The following GHRL variants were observed in gnomAD, a reference collection of about 807,000 sequenced individuals.
The protein encoded by GHRL is appetite-regulating hormone.
In GHRL, 24 loss-of-function variants were observed where a neutral mutation model predicts 16.9. The observed-to-expected ratio is 1.42, with a 90% CI of 1.03 to 2.00. The LOEUF is 2.00. Among genes scored for constraint, GHRL ranks in the 30% most tolerant of loss-of-function variants. GHRL has a pLI of 0.00. For missense variants in GHRL, 193 were observed against 142.1 expected (o/e 1.36, Z -1.82); for synonymous variants, 63 against 58.2 (o/e 1.08, Z -0.37).
In GHRL at chr3:10,285,731, C is replaced by T; in HGVS notation, c.*144G>A. On this transcript the variant is annotated 3_prime_UTR_variant, in exon 6 of 6. Transcript: ENST00000335542. ...TAACTTTTCCTCTTTGAAATAAATT[C>T]CCATTTGGAACATCAGCATACAGTT... 5.0e-6 allele frequency: 3 copies of T among 600,970 alleles called. No homozygotes were observed. Among genetic ancestry groups the T allele is most frequent in the South Asian group, 2.4e-5 (1 of 41,590 alleles). 37.2% of individuals were successfully genotyped at this position (600,970 alleles called of 1,614,324 possible). A position where few individuals can be genotyped will look rare whatever the true frequency, so the allele number is the denominator to read the frequency against.
intron 3 of GHRL, 71 bp from the exon 4 acceptor site, chr3:10,289,949 C>T (rs1699715132): frequency 2.0e-6 from 3 of 1,492,594 alleles, no homozygotes; most frequent in African/African-American, 1.4e-5. Context: ...AGGTCAGACC[C>T]AGAGTCCTTT....
intron 4 of GHRL, among the ~76,000 whole-genome samples, chr3:10,289,037 C>T (rs537274994): frequency 6.6e-5 from 10 of 152,228 alleles, no homozygotes; most frequent in East Asian, 3.9e-4. Context: ...TCGGGCACAG[C>T]GTCTAATAGC....
In GHRL at chr3:10,289,886, G is replaced by T; in HGVS notation, c.109-8C>A. 6.2e-7 allele frequency: 1 copy of T among 1,602,704 alleles called. No homozygotes were observed. Among genetic ancestry groups the T allele is most frequent in the Non-Finnish European group, 8.5e-7 (1 of 1,170,714 alleles). On this transcript the variant is annotated splice_polypyrimidine_tract_variant and splice_region_variant and intron_variant, in intron 3 of 5. Transcript: ENST00000335542. ...CTTCGACTCCTTTCTCTGCTGGAAG[G>T]GGGAAACAGTCTGTTTAGGACTCTA...
In GHRL at chr3:10,287,913, A is replaced by ATTTTTTTTTTTTTTTTTTT. The variant is rs1576049089; in HGVS notation, c.226-1102_226-1101insAAAAAAAAAAAAAAAAAAA. On this transcript the variant is annotated intron_variant, in intron 4 of 5. Coordinates refer to ENST00000335542, the MANE Select transcript of GHRL (RefSeq NM_016362.5). The stretch of plus-strand genomic sequence containing the variant: ...GACCCAGTGGGGAATGACATGATTG[A>ATTTTTTTTTTTTTTTTTTT]ATTTTTTTTTTTTTTTTTTTTTTTT... 3 of 87,952 alleles carry ATTTTTTTTTTTTTTTTTTT rather than the reference A, an allele frequency of 3.4e-5. 1 individual carries two copies. Among genetic ancestry groups the ATTTTTTTTTTTTTTTTTTT allele is most frequent in the Non-Finnish European group, 2.7e-5 (1 of 37,208 alleles). 5.4% of individuals were successfully genotyped at this position (87,952 alleles called of 1,614,324 possible).
intron 5 of GHRL, 117 bp from the exon 6 acceptor site, chr3:10,286,011 C>A (rs1699007783): frequency 1.1e-6 from 1 of 903,624 alleles, no homozygotes; most frequent in Non-Finnish European, 1.8e-6. Context: ...GAAGCACTGG[C>A]CTTGGAGTCA....
At position 10,285,854 on chromosome 3, in the gene GHRL, G is replaced by A; in HGVS notation, c.*21C>T. 3.7e-6 allele frequency: 6 copies of A among 1,609,842 alleles called. No homozygotes were observed. Among genetic ancestry groups the A allele is most frequent in the Non-Finnish European group, 5.1e-6 (6 of 1,176,110 alleles). ...TGAGCGCTTCTAAACTTAGAGAGAG[G>A]TGAGTAAGGCTTGTGGGCGATCACT... On this transcript the variant is annotated 3_prime_UTR_variant, in exon 6 of 6. Transcript: ENST00000335542.
At chr3:10,289,908 T>C (rs755928105) in intron 3 of GHRL, 30 bp from the exon 4 acceptor site, 1 of 1,553,596 alleles carries the variant, frequency 6.4e-7, no homozygotes, top group Non-Finnish European at 8.9e-7. Flanking sequence ...TGTTTAGGAC[T>C]CTAAGCCCCC....
intron 4 of GHRL, chr3:10,287,117 T>G: frequency 4.8e-6 from 1 of 208,584 alleles, no homozygotes; most frequent in Admixed American, 5.7e-5. Context: ...TTTTTCTCCC[T>G]TGCAGTTTTG....
rs930261410 is a variant in GHRL at position 10,286,035 on chromosome 3, A to C, written c.335-141T>G. On this transcript the variant is annotated intron_variant, in intron 5 of 5. Transcript: ENST00000335542. ...GCCTTGGAGTCAGAGGGCGGCACTC[A>C]AGTGTGGACTGTTGTGCCCTGGGCA... 5 of 736,830 alleles carry C rather than the reference A, an allele frequency of 6.8e-6. No individual in the cohort carries two copies. The African/African-American group carries it at 8.7e-5, about 13-fold the overall frequency. The allele number at this position is 736,830 out of a possible 1,614,324, so 45.6% of individuals were successfully genotyped here.
At position 10,291,087 on chromosome 3, in the gene GHRL, A is replaced by G. The variant is rs993208037; in HGVS notation, c.-401T>C. The G allele has an allele frequency of 2.4e-5, 24 of 985,500 alleles. No homozygotes were observed. Among genetic ancestry groups the G allele is most frequent in the African/African-American group, 3.5e-5 (2 of 57,216 alleles). 61.0% of individuals were successfully genotyped at this position (985,500 alleles called of 1,614,324 possible). ...TACTCGCCCTTTCTCCCTGGGTAAAATGAGGCTGTCATCACTAGGAGAGCT... is the reference window on the plus strand; with the variant it reads ...TACTCGCCCTTTCTCCCTGGGTAAAGTGAGGCTGTCATCACTAGGAGAGCT... On this transcript the variant is annotated 5_prime_UTR_variant, in exon 2 of 6. Coordinates refer to ENST00000335542, the MANE Select transcript of GHRL (RefSeq NM_016362.5).
chr3:10,291,564 C>T (rs182919329), intron 1 of GHRL, 113 bp from the exon 2 acceptor site: 44 of 650,706 alleles, frequency 6.8e-5, no homozygotes, highest in African/African-American at 7.8e-5. Flanking sequence ...TGAAATGAGG[C>T]GATGGGGGGA....
At chr3:10,287,061 A>C (rs1403712612) in intron 4 of GHRL, 2 of 344,818 alleles carry the variant, frequency 5.8e-6, no homozygotes, top group Non-Finnish European at 1.1e-5. Context: ...CTTAGCCTCT[A>C]ATGGGATTGC....
chr3:10,292,763 A>AT (rs908650032), intron 1 of GHRL, 79 bp downstream of exon 1: 26 of 839,186 alleles, frequency 3.1e-5, no homozygotes, highest in African/African-American at 2.8e-4. Flanking sequence ...CCACCAACCC[A>AT]TAAAAAAAAA....
chr3:10,288,725 T>C (rs1021120988), intron 4 of GHRL, among the ~76,000 whole-genome samples: 3 of 152,136 alleles, frequency 2.0e-5, no homozygotes, highest in Non-Finnish European at 4.4e-5. Flanking sequence ...GAGAAGAGTA[T>C]GGTAAACAGG....
At chr3:10,287,022 ACTTAC>A (rs1559471938) in intron 4 of GHRL, 2 of 498,638 alleles carry the variant, frequency 4.0e-6, no homozygotes, top group Non-Finnish European at 3.6e-6. Flanking sequence ...TCTTTCAGAC[ACTTAC>A]CTTGCACTCT....
chr3:10,285,838 C>G lies in GHRL; in HGVS notation c.*37G>C. On this transcript the variant is annotated 3_prime_UTR_variant, in exon 6 of 6. Transcript: ENST00000335542. ...CAAGCGAAAAGCCAGATGAGCGCTTCTAAACTTAGAGAGAGGTGAGTAAGG... is the reference window on the plus strand; with the variant it reads ...CAAGCGAAAAGCCAGATGAGCGCTTGTAAACTTAGAGAGAGGTGAGTAAGG... The G allele has an allele frequency of 6.3e-7, 1 of 1,598,562 alleles. No individual in the cohort carries two copies. Among genetic ancestry groups the G allele is most frequent in the South Asian group, 1.1e-5 (1 of 90,722 alleles).
chr3:10,290,302 T>A, intron 2 of GHRL, 93 bp from the exon 3 acceptor site: 1 of 1,274,464 alleles, frequency 7.8e-7, no homozygotes, highest in Non-Finnish European at 1.1e-6. Context: ...CGTGAAGGGC[T>A]TTACCATCTG....
At chr3:10,285,935 TC>T in intron 5 of GHRL, 41 bp from the exon 6 acceptor site, 1 of 1,588,210 alleles carries the variant, frequency 6.3e-7, no homozygotes, top group Non-Finnish European at 8.6e-7. Flanking sequence ...GGGTGCACCG[TC>T]CTGCTAGTGC....
In GHRL at chr3:10,290,838, A is replaced by T; in HGVS notation, c.-152T>A. On this transcript the variant is annotated 5_prime_UTR_variant, in exon 2 of 6. It removes an upstream start codon present in the reference 5' UTR. Transcript: ENST00000335542. The stretch of plus-strand genomic sequence containing the variant: ...CCTAGCTTCCGTGGGGCTGATGTAC[A>T]TTCCTTGGGAACTAAAAATGTTCTT... The T allele has an allele frequency of 2.0e-6, 2 of 986,306 alleles. No individual in the cohort carries two copies. Among genetic ancestry groups the T allele is most frequent in the South Asian group, 4.7e-5 (1 of 21,296 alleles). The allele number at this position is 986,306 out of a possible 1,614,324, so 61.1% of individuals were successfully genotyped here.
Sources: gnomAD v4.1 joint callset for allele counts (sites outside exome capture counted in the v4.1 genomes callset) on GRCh38, gnomAD v4.1.1 for gene constraint, MANE v1.5 for transcripts, NCBI Gene and HGNC (gene_info 2026-07-23, HGNC 2026-07-21) for gene names.